Variants in SPOUT1 observed in about 807,000 individuals in gnomAD.
The protein encoded by SPOUT1 is 28S rRNA (uridine-N(3))-methyltransferase.
In SPOUT1, 40 loss-of-function variants were observed where a neutral mutation model predicts 54.8. That is an observed-to-expected ratio of 0.73 (90% confidence interval 0.57 to 0.95). The LOEUF (loss-of-function observed/expected upper bound fraction) is 0.95. Among genes scored for constraint, SPOUT1 ranks in the 40% least tolerant of loss-of-function variants. The probability of loss-of-function intolerance (pLI) is 0.00; values close to 1 mark genes in which losing one functional copy is unlikely to be tolerated. For synonymous variants in SPOUT1, 193 were observed against 200.3 expected, an observed-to-expected ratio of 0.96 and a Z score of 0.31; for missense variants, 437 against 499.5, an observed-to-expected ratio of 0.87 and a Z score of 1.19.
Position 128,826,181 on chromosome 9 carries a change from G to C in SPOUT1, c.509-29C>G. On this transcript the variant is annotated intron_variant, in intron 6 of 11. Coordinates refer to ENST00000361256, the MANE Select transcript of SPOUT1 (RefSeq NM_016390.4). The surrounding 1 kb of genome is among the most constrained non-coding windows in gnomAD (Gnocchi z 5.5). ...TGGAGGCAGAGCCGGGAAGAGTCTG[G>C]GAAGTGCTAGGGCACACAGGGTGCA... is the stretch of plus-strand genomic sequence containing the variant. 1.3e-6 allele frequency: 2 copies of C among 1,586,588 alleles called. No homozygotes were observed. The highest frequency in any genetic ancestry group is 1.7e-6 in the Non-Finnish European group (2 of 1,166,468).
chr9:128,820,551 G>A lies in SPOUT1; in HGVS notation c.*2214C>T, dbSNP rs745414677. 51 of 594,172 alleles carry A rather than the reference G, an allele frequency of 8.6e-5. No homozygotes were observed. Among genetic ancestry groups the A allele is most frequent in the Non-Finnish European group, 1.4e-4 (47 of 332,626 alleles). 36.8% of individuals were successfully genotyped at this position (594,172 alleles called of 1,614,324 possible). A position where few individuals can be genotyped will look rare whatever the true frequency, so the allele number is the denominator to read the frequency against. On this transcript the variant is annotated 3_prime_UTR_variant, in exon 12 of 12. Transcript: ENST00000361256. ...ACCTGGGCTGTGGGAGGGACAGAGGGTGGTGGCTAGCACTCTATCAGCCCT... is the reference window on the plus strand; with the variant it reads ...ACCTGGGCTGTGGGAGGGACAGAGGATGGTGGCTAGCACTCTATCAGCCCT...
At chr9:128,828,297 A>T (rs1830279125) in intron 3 of SPOUT1, among the ~76,000 whole-genome samples, 2 of 152,134 alleles carry the variant, frequency 1.3e-5, no homozygotes, top group South Asian at 4.1e-4. Flanking sequence ...GGAGTTCGAG[A>T]CCGGCCTCCC....
Position 128,826,369 on chromosome 9 carries a change from C to T in SPOUT1, c.508+15G>A, listed in dbSNP as rs1265740638. On this transcript the variant is annotated intron_variant, in intron 6 of 11. Transcript: ENST00000361256. The surrounding 1 kb of genome is among the most constrained non-coding windows in gnomAD (Gnocchi z 5.5). ...GATCCAGGGGAAATGGGGGGGCGGG[C>T]CCATACAGCGTTACCTGCAAACTGT... is the stretch of plus-strand genomic sequence containing the variant. 2 of 1,613,190 alleles carry T rather than the reference C, an allele frequency of 1.2e-6. No homozygotes were observed. The highest frequency in any genetic ancestry group is 2.2e-5 in the South Asian group (2 of 91,070).
At position 128,820,674 on chromosome 9, in the gene SPOUT1, C is replaced by T. The variant is rs936943613; in HGVS notation, c.*2091G>A. 1.1e-5 allele frequency: 15 copies of T among 1,365,956 alleles called. No homozygotes were observed. Among genetic ancestry groups the T allele is most frequent in the African/African-American group, 1.4e-5 (1 of 69,334 alleles). 84.6% of individuals were successfully genotyped at this position (1,365,956 alleles called of 1,614,324 possible). ...CTGTCCATCCCCTCAGGACCTGGGG[C>T]GGCCCTCTGATAGAGGAGGAAGGGT... On this transcript the variant is annotated 3_prime_UTR_variant, in exon 12 of 12. Coordinates refer to ENST00000361256, the MANE Select transcript of SPOUT1 (RefSeq NM_016390.4).
chr9:128,825,846 G>T, intron 7 of SPOUT1, 176 bp downstream of exon 7: 1 of 719,476 alleles, frequency 1.4e-6, no homozygotes. Context: ...TTAAGCAACA[G>T]TAAATTCATT....
At position 128,824,086 on chromosome 9, in the gene SPOUT1, C is replaced by G. The variant is rs147996194; in HGVS notation, c.900G>C (p.Gln300His). The G allele has an allele frequency of 1.3e-4, 215 of 1,613,274 alleles. No homozygotes were observed. The highest frequency in any genetic ancestry group is 1.8e-4 in the Non-Finnish European group (211 of 1,179,760). ...GAGGTACACACCTGAAGTTGGGAAG[C>G]TGGGCAGAGGCCACATCTGAGCCGC... ...SERGSDVASAQLPNFRHALVV... is the reference protein window; with the variant it reads ...SERGSDVASAHLPNFRHALVV... Residue 300 changes from glutamine (Q) to histidine (H), a missense_variant, in exon 10 of 12, where the codon CAG becomes CAC. Transcript: ENST00000361256.
At position 128,827,026 on chromosome 9, in the gene SPOUT1, C is replaced by T. The variant is rs772875743; in HGVS notation, c.368+6G>A. ...AACCCTGGCACCCTGTGGGATGGCCCCTTACTTGGCATCCTGGCCCTCCTC... is the reference window on the plus strand; with the variant it reads ...AACCCTGGCACCCTGTGGGATGGCCTCTTACTTGGCATCCTGGCCCTCCTC... On this transcript the variant is annotated splice_donor_region_variant and intron_variant, in intron 4 of 11. Coordinates refer to ENST00000361256, the MANE Select transcript of SPOUT1 (RefSeq NM_016390.4). The T allele has an allele frequency of 5.0e-6, 8 of 1,613,234 alleles. No individual in the cohort carries two copies. The highest frequency in any genetic ancestry group is 6.8e-6 in the Non-Finnish European group (8 of 1,179,444).
At chr9:128,823,074 A>G (rs1190408892) in intron 11 of SPOUT1, among the ~76,000 whole-genome samples, 1 of 151,960 alleles carries the variant, frequency 6.6e-6, no homozygotes, top group Non-Finnish European at 1.5e-5. Flanking sequence ...AACAACGCCC[A>G]CCTCCCAGGG....
At position 128,820,741 on chromosome 9, in the gene SPOUT1, G is replaced by C; in HGVS notation, c.*2024C>G. On this transcript the variant is annotated 3_prime_UTR_variant, in exon 12 of 12. Coordinates refer to ENST00000361256, the MANE Select transcript of SPOUT1 (RefSeq NM_016390.4). ...CTAAGCCCTATCTCTCCTACCAGGT[G>C]CCCCACCTCAACCAGAATGCCTGGA... 1 of 1,608,480 alleles carries C rather than the reference G, an allele frequency of 6.2e-7. No homozygotes were observed. Among genetic ancestry groups the C allele is most frequent in the African/African-American group, 1.3e-5 (1 of 74,952 alleles).
Position 128,824,068 on chromosome 9 carries a change from A to G in SPOUT1, c.914+4T>C. On this transcript the variant is annotated splice_donor_region_variant and intron_variant, in intron 10 of 11. Coordinates refer to ENST00000361256, the MANE Select transcript of SPOUT1 (RefSeq NM_016390.4). ...CCCTGGCCGCAGCCCCAGGAGGTAC[A>G]CACCTGAAGTTGGGAAGCTGGGCAG... 1 of 1,611,292 alleles carries G rather than the reference A, an allele frequency of 6.2e-7. No homozygotes were observed. Among genetic ancestry groups the G allele is most frequent in the Non-Finnish European group, 8.5e-7 (1 of 1,177,992 alleles).
chr9:128,823,408 C>T (rs930283168), intron 11 of SPOUT1, among the ~76,000 whole-genome samples: 1 of 152,186 alleles, frequency 6.6e-6, no homozygotes, highest in Non-Finnish European at 1.5e-5. Context: ...AAGGGGAGAG[C>T]TGCTGTGCCC....
In SPOUT1 at chr9:128,826,681, C is replaced by G; in HGVS notation, c.369-52G>C. On this transcript the variant is annotated intron_variant, in intron 4 of 11. Coordinates refer to ENST00000361256, the MANE Select transcript of SPOUT1 (RefSeq NM_016390.4). This position sits in a 1 kb window ranked among gnomAD's most constrained non-coding sequence, Gnocchi z 5.5. ...GATCCAGCTGTGGCCCCTTCAAGAG[C>G]TCCTGTCTACAAGTGCACGCGTATA... The G allele has an allele frequency of 7.6e-7, 1 of 1,321,236 alleles. No homozygotes were observed. Among genetic ancestry groups the G allele is most frequent in the Non-Finnish European group, 1.0e-6 (1 of 956,084 alleles). 81.8% of individuals were successfully genotyped at this position (1,321,236 alleles called of 1,614,324 possible).
rs1046111975 is a variant in SPOUT1 at position 128,821,752 on chromosome 9, C to T, written c.*1013G>A. ...GTGCTGTGGGCAAATGACCTGTGTC[C>T]CCCTCTGCAAAACCTGTGACCTCTT... is the stretch of plus-strand genomic sequence containing the variant. On this transcript the variant is annotated 3_prime_UTR_variant, in exon 12 of 12. Transcript: ENST00000361256. 25 of 162,298 alleles carry T rather than the reference C, an allele frequency of 1.5e-4. No homozygotes were observed. Among genetic ancestry groups the T allele is most frequent in the African/African-American group, 6.0e-4 (25 of 41,498 alleles). 10.1% of individuals were successfully genotyped at this position (162,298 alleles called of 1,614,324 possible). A position where few individuals can be genotyped will look rare whatever the true frequency, so the allele number is the denominator to read the frequency against.
In SPOUT1 at chr9:128,821,096, G is replaced by A. The variant is rs541024286; in HGVS notation, c.*1669C>T. 1.0e-4 allele frequency: 54 copies of A among 542,054 alleles called. No individual in the cohort carries two copies. The highest frequency in any genetic ancestry group is 8.5e-4 in the African/African-American group (45 of 52,800). 33.6% of individuals were successfully genotyped at this position (542,054 alleles called of 1,614,324 possible). ...AGCAGCAGGCCCTGAATCTGCCCCC[G>A]CTTCTCCCTGCTGTCACCTCTTGGC... is the stretch of plus-strand genomic sequence containing the variant. On this transcript the variant is annotated 3_prime_UTR_variant, in exon 12 of 12. Coordinates refer to ENST00000361256, the MANE Select transcript of SPOUT1 (RefSeq NM_016390.4).
chr9:128,822,131 C>T lies in SPOUT1; in HGVS notation c.*634G>A, dbSNP rs1289985256. 2 of 634,474 alleles carry T rather than the reference C, an allele frequency of 3.2e-6. No homozygotes were observed. The highest frequency in any genetic ancestry group is 5.4e-6 in the Non-Finnish European group (2 of 370,238). 39.3% of individuals were successfully genotyped at this position (634,474 alleles called of 1,614,324 possible). ...GACCCAGTGTTGGGCATAAGGAAAA[C>T]AGAGGGAAAGAGTTAACCACCCTGG... On this transcript the variant is annotated 3_prime_UTR_variant, in exon 12 of 12. Transcript: ENST00000361256.
chr9:128,820,972 GGC>G lies in SPOUT1; in HGVS notation c.*1791_*1792del. ...CAGTTCCCTACTCATCTGGTTTCTT[GGC>G]AAGCCTGTCAGCTTCCCTGCCTCGA... On this transcript the variant is annotated 3_prime_UTR_variant, in exon 12 of 12. Transcript: ENST00000361256. The G allele has an allele frequency of 1.2e-6, 1 of 850,192 alleles. No individual in the cohort carries two copies. The highest frequency in any genetic ancestry group is 1.8e-6 in the Non-Finnish European group (1 of 542,530). The allele number at this position is 850,192 out of a possible 1,614,324, so 52.7% of individuals were successfully genotyped here.
In SPOUT1 at chr9:128,826,284, G is replaced by T; in HGVS notation, c.508+100C>A. 2 of 1,557,770 alleles carry T rather than the reference G, an allele frequency of 1.3e-6. No homozygotes were observed. Among genetic ancestry groups the T allele is most frequent in the Non-Finnish European group, 1.8e-6 (2 of 1,130,446 alleles). ...TCAGACACAGGTCTTGCTCTCCCAG[G>T]CCTGCTTTCCCACCTGGACAGCGCA... On this transcript the variant is annotated intron_variant, in intron 6 of 11. Coordinates refer to ENST00000361256, the MANE Select transcript of SPOUT1 (RefSeq NM_016390.4). This position sits in a 1 kb window ranked among gnomAD's most constrained non-coding sequence, Gnocchi z 5.5.
chr9:128,824,431 A>C (rs1449967133), intron 9 of SPOUT1, among the ~76,000 whole-genome samples: 1 of 152,096 alleles, frequency 6.6e-6, no homozygotes, highest in Non-Finnish European at 1.5e-5. Context: ...CAGGGCAGAC[A>C]CCAAGCCTGT....
In SPOUT1 at chr9:128,822,146, A is replaced by T; in HGVS notation, c.*619T>A. 1.4e-6 allele frequency: 1 copy of T among 690,972 alleles called. No homozygotes were observed. The highest frequency in any genetic ancestry group is 2.4e-6 in the Non-Finnish European group (1 of 420,822). 42.8% of individuals were successfully genotyped at this position (690,972 alleles called of 1,614,324 possible). A position where few individuals can be genotyped will look rare whatever the true frequency, so the allele number is the denominator to read the frequency against. On this transcript the variant is annotated 3_prime_UTR_variant, in exon 12 of 12. Transcript: ENST00000361256. Reference sequence around the variant, plus strand: ...ATAAGGAAAACAGAGGGAAAGAGTTAACCACCCTGGAGAGAGTTCCAGCCT... The same window carrying T: ...ATAAGGAAAACAGAGGGAAAGAGTTTACCACCCTGGAGAGAGTTCCAGCCT...
Sources: gnomAD v4.1 joint callset for allele counts (sites outside exome capture counted in the v4.1 genomes callset) on GRCh38, gnomAD v4.1.1 for gene constraint, Gnocchi (gnomAD v3.1) non-coding constraint, MANE v1.5 for transcripts, NCBI Gene and HGNC (gene_info 2026-07-23, HGNC 2026-07-21) for gene names.